Variants in TRPM3 observed in about 807,000 individuals in gnomAD.
TRPM3 encodes transient receptor potential cation channel subfamily M member 3.
TRPM3 carries 77 observed loss-of-function variants against 181.2 expected under a neutral mutation model. The observed-to-expected ratio is 0.42, with a 90% confidence interval of 0.35 to 0.51. The LOEUF is 0.51. Among genes scored for constraint, TRPM3 ranks in the 20% least tolerant of loss-of-function variants. The pLI is 0.01. For synonymous variants in TRPM3, 745 were observed against 796.4 expected, an observed-to-expected ratio of 0.94 and a Z score of 1.09; for missense variants, 1,759 against 2,196.7, an observed-to-expected ratio of 0.80 and a Z score of 3.98.
At chr9:70,797,893 A>C (rs1283968962) in intron 6 of TRPM3, among the ~76,000 whole-genome samples, 1 of 152,164 alleles carries the variant, frequency 6.6e-6, no homozygotes, top group African/African-American at 2.4e-5. Context: ...GATTCTGCCC[A>C]ATTTTGGAGT....
intron 1 of TRPM3, among the ~76,000 whole-genome samples, chr9:71,224,601 T>C (rs567033244): frequency 3.6e-4 from 55 of 152,206 alleles, no homozygotes; most frequent in Admixed American, 1.1e-3. Flanking sequence ...ATATGAGACC[T>C]TTCAGAGAAT....
chr9:70,684,812 G>T (rs2066351434), intron 8 of TRPM3, among the ~76,000 whole-genome samples: 1 of 152,092 alleles, frequency 6.6e-6, no homozygotes, highest in Non-Finnish European at 1.5e-5. Context: ...TAGGATTTTT[G>T]CAATGATGTT....
intron 1 of TRPM3, among the ~76,000 whole-genome samples, chr9:71,364,143 A>G (rs187434949): frequency 2.9e-4 from 44 of 152,288 alleles, no homozygotes; most frequent in Non-Finnish European, 5.9e-4. Context: ...AGGAAAGCAA[A>G]TAAAAAGCAG....
intron 1 of TRPM3, among the ~76,000 whole-genome samples, chr9:71,060,716 G>T (rs1484675799): frequency 6.6e-6 from 1 of 152,064 alleles, no homozygotes; most frequent in Non-Finnish European, 1.5e-5. Context: ...ATGGGACAGG[G>T]CAAGCCCTTA....
chr9:71,104,039 T>C (rs1015644770), intron 1 of TRPM3, among the ~76,000 whole-genome samples: 2 of 152,062 alleles, frequency 1.3e-5, no homozygotes, highest in Admixed American at 6.6e-5. Flanking sequence ...CTCAGCCTCC[T>C]GAGTAGCTGG....
At chr9:71,330,355 AAC>A (rs2132528607) in intron 1 of TRPM3, among the ~76,000 whole-genome samples, 1 of 151,978 alleles carries the variant, frequency 6.6e-6, no homozygotes, top group African/African-American at 2.4e-5. Context: ...ATGAGAGAAA[AAC>A]ACTTTTATAA....
chr9:70,881,561 G>A (rs530386162), intron 1 of TRPM3, among the ~76,000 whole-genome samples: 35 of 152,324 alleles, frequency 2.3e-4, no homozygotes, highest in African/African-American at 5.3e-4. Context: ...AGATTAGTAA[G>A]TTTATTAAGC....
intron 1 of TRPM3, among the ~76,000 whole-genome samples, chr9:70,934,551 G>T (rs988601937): frequency 1.3e-5 from 2 of 152,198 alleles, no homozygotes; most frequent in African/African-American, 4.8e-5. Context: ...TTTGCCATGA[G>T]CAGTTCTTAG....
chr9:70,623,317 G>A (rs1315869166), intron 14 of TRPM3, among the ~76,000 whole-genome samples: 5 of 147,508 alleles, frequency 3.4e-5, no homozygotes, highest in African/African-American at 1.3e-4. Context: ...AGTGAGCTGA[G>A]ACCACACCAC....
intron 6 of TRPM3, among the ~76,000 whole-genome samples, chr9:70,787,763 C>CTTTTTTTTTTTTTTTTTTTTTGTTTT (rs2084071076): frequency 8.8e-5 from 6 of 68,554 alleles, no homozygotes; most frequent in African/African-American, 1.8e-4. Flanking sequence ...TTTTTGGATT[C>CTTTTTTTTTTTTTTTTTTTTTGTTTT]TTTTTTTTTT....
intron 1 of TRPM3, among the ~76,000 whole-genome samples, chr9:71,304,804 C>A (rs148719270): frequency 2.0e-5 from 3 of 152,118 alleles, no homozygotes; most frequent in Non-Finnish European, 2.9e-5. Flanking sequence ...CATGTATAGA[C>A]GGAACAGATT....
chr9:71,222,959 G>C (rs1456868964), intron 1 of TRPM3, among the ~76,000 whole-genome samples: 5 of 152,132 alleles, frequency 3.3e-5, no homozygotes, highest in Non-Finnish European at 5.9e-5. Flanking sequence ...AAACTTGAAA[G>C]GCAGACTAGG....
At chr9:70,753,701 G>C (rs1489378260) in intron 8 of TRPM3, among the ~76,000 whole-genome samples, 1 of 152,178 alleles carries the variant, frequency 6.6e-6, no homozygotes, top group Non-Finnish European at 1.5e-5. Flanking sequence ...TCCAGGTTCA[G>C]GTTCAATATG....
At chr9:71,355,499 C>T (rs1343210704) in intron 1 of TRPM3, among the ~76,000 whole-genome samples, 1 of 152,092 alleles carries the variant, frequency 6.6e-6, no homozygotes, top group Non-Finnish European at 1.5e-5. Flanking sequence ...GAATCCAGCC[C>T]CACTGACAAC....
At chr9:70,856,761 C>G (rs192725937) in intron 3 of TRPM3, among the ~76,000 whole-genome samples, 108 of 152,190 alleles carry the variant, frequency 7.1e-4, no homozygotes, top group South Asian at 5.8e-3. Flanking sequence ...GGGGCTCAAC[C>G]TAATTTAATA....
chr9:71,102,815 T>A (rs1159067057), intron 1 of TRPM3, among the ~76,000 whole-genome samples: 1 of 152,200 alleles, frequency 6.6e-6, no homozygotes, highest in East Asian at 1.9e-4. Flanking sequence ...GGTCAGATCC[T>A]AGACTGTAAA....
At chr9:70,870,500 ACTTG>A (rs879514017) in intron 1 of TRPM3, among the ~76,000 whole-genome samples, 12 of 152,044 alleles carry the variant, frequency 7.9e-5, no homozygotes, top group Non-Finnish European at 1.5e-4. Flanking sequence ...ACATATATAA[ACTTG>A]CTTCTCTGCA....
intron 6 of TRPM3, chr9:70,826,462 C>T (rs982953579): frequency 2.6e-5 from 4 of 152,062 alleles, no homozygotes; most frequent in Admixed American, 6.5e-5. Flanking sequence ...TATTTCAGAC[C>T]TAGGACAAAA....
chr9:71,322,103 C>A (rs2089276749), intron 1 of TRPM3, among the ~76,000 whole-genome samples: 1 of 152,100 alleles, frequency 6.6e-6, no homozygotes, highest in Non-Finnish European at 1.5e-5. Context: ...CTTTTATCAA[C>A]ATTTTTGGTT....
Sources: allele counts gnomAD v4.1 joint callset (sites outside exome capture counted in the v4.1 genomes callset), GRCh38; gene constraint gnomAD v4.1.1; transcripts MANE v1.5; gene names NCBI Gene and HGNC (gene_info 2026-07-23, HGNC 2026-07-21).